The following LNX1 variants were observed in gnomAD, a reference collection of about 807,000 sequenced individuals.
LNX1 encodes the protein ligand of numb-protein X 1, also known as E3 ubiquitin-protein ligase LNX.
A neutral mutation model predicts 68.4 loss-of-function variants in LNX1; 54 were observed. That is an observed-to-expected ratio of 0.79 (90% CI 0.63 to 0.99). The LOEUF (loss-of-function observed/expected upper bound fraction) is 0.99. Among genes scored for constraint, LNX1 ranks in the 50% least tolerant of loss-of-function variants. The pLI is 0.00. For missense variants in LNX1, 906 were observed against 926.4 expected (o/e 0.98, Z 0.29); for synonymous variants, 336 against 350.0 (o/e 0.96, Z 0.45).
upstream of LNX1, among the ~76,000 whole-genome samples, chr4:53,595,669 T>C (rs1408185979): frequency 6.6e-6 from 1 of 152,176 alleles, no homozygotes; most frequent in Non-Finnish European, 1.5e-5. Flanking sequence ...CCGGCTCACT[T>C]GGGCTTTTTG....
chr4:53,532,765 C>T (rs1485565629), intron 2 of LNX1, among the ~76,000 whole-genome samples: 1 of 152,194 alleles, frequency 6.6e-6, no homozygotes, highest in Non-Finnish European at 1.5e-5. Context: ...TTTGCTAGTG[C>T]TCAGCTCCTG....
upstream of LNX1, among the ~76,000 whole-genome samples, chr4:53,593,307 C>A (rs1411661471): frequency 6.6e-6 from 1 of 152,160 alleles, no homozygotes; most frequent in Non-Finnish European, 1.5e-5. Context: ...AGCGGTCTTG[C>A]CTTTGGCGAA....
intron 2 of LNX1, among the ~76,000 whole-genome samples, chr4:53,560,776 C>T (rs773818124): frequency 1.2e-4 from 19 of 152,176 alleles, no homozygotes; most frequent in Non-Finnish European, 2.5e-4. Flanking sequence ...TCCTGGGCTT[C>T]CTACCCTTAG....
chr4:53,531,732 A>G (rs1728038084), intron 2 of LNX1, among the ~76,000 whole-genome samples: 1 of 152,198 alleles, frequency 6.6e-6, no homozygotes, highest in Admixed American at 6.5e-5. Context: ...TGTTTGAACC[A>G]AGCTGCTGGT....
chr4:53,492,440 G>C lies in LNX1; in HGVS notation c.1350+3583C>G, dbSNP rs142376028. On this transcript the variant is annotated intron_variant, in intron 6 of 10. Transcript: ENST00000263925. ...GAGAGAACAGGCCACAAGACGTATG[G>C]CATTGCAGGCCATAGTAACGATCTG... Among the ~76,000 whole-genome samples the C allele has an allele frequency of 1.4e-4, 21 of 148,596 alleles. No homozygotes were observed. In the East Asian group the frequency reaches 4.3e-3, roughly 30 times the overall value.
At chr4:53,636,782 C>G (rs1734496635) in intron 1 of LNX1, among the ~76,000 whole-genome samples, 1 of 152,062 alleles carries the variant, frequency 6.6e-6, no homozygotes, top group South Asian at 2.1e-4. Context: ...CATCCTATGT[C>G]CATATTTAGA....
chr4:53,476,688 G>T (rs1208412382), intron 9 of LNX1, 65 bp downstream of exon 9: 1 of 1,351,462 alleles, frequency 7.4e-7, no homozygotes, highest in Non-Finnish European at 1.1e-6. Flanking sequence ...GAGAGTGAAA[G>T]AGTGGTTTAA....
chr4:53,549,144 A>T (rs1327005386), intron 2 of LNX1, among the ~76,000 whole-genome samples: 1 of 152,170 alleles, frequency 6.6e-6, no homozygotes, highest in Non-Finnish European at 1.5e-5. Context: ...ACAAACCTTG[A>T]CATGTACCCC....
At chr4:53,469,032 T>A (rs769611922) in intron 9 of LNX1, among the ~76,000 whole-genome samples, 5 of 152,164 alleles carry the variant, frequency 3.3e-5, no homozygotes, top group Non-Finnish European at 5.9e-5. Context: ...ATCAACAGAA[T>A]ATACATTCTT....
chr4:53,516,947 A>G (rs531852107), intron 2 of LNX1, among the ~76,000 whole-genome samples: 2 of 152,310 alleles, frequency 1.3e-5, no homozygotes, highest in East Asian at 3.9e-4. Context: ...CATCAATCCA[A>G]AGTGAACTGC....
intron 2 of LNX1, among the ~76,000 whole-genome samples, chr4:53,530,773 T>A (rs755742756): frequency 6.6e-6 from 1 of 152,208 alleles, no homozygotes; most frequent in Non-Finnish European, 1.5e-5. Context: ...CAGTTAAAAC[T>A]ATAATTTTTG....
Position 53,506,856 on chromosome 4 carries a change from T to TAAAAAAAAAAAAAAAAAAAAAAAAAA in LNX1, c.775+460_775+461insTTTTTTTTTTTTTTTTTTTTTTTTTT, listed in dbSNP as rs59260730. Among the ~76,000 whole-genome samples, 18 of 54,190 alleles carry TAAAAAAAAAAAAAAAAAAAAAAAAAA rather than the reference T, an allele frequency of 3.3e-4. 1 individual carries two copies. The highest frequency in any genetic ancestry group is 1.0e-3 in the South Asian group (2 of 1,994). 35.6% of individuals were successfully genotyped at this position (54,190 alleles called of 152,430 possible). On this transcript the variant is annotated intron_variant, in intron 4 of 10. Transcript: ENST00000263925. ...CCTGGGCGACAAGCAAAACTCTGTC[T>TAAAAAAAAAAAAAAAAAAAAAAAAAA]AAAAAAAAAAAAAAAAAAAGAGGAA...
At chr4:53,638,283 T>C (rs1277047764) in intron 1 of LNX1, among the ~76,000 whole-genome samples, 3 of 152,182 alleles carry the variant, frequency 2.0e-5, no homozygotes, top group Non-Finnish European at 2.9e-5. Flanking sequence ...TTTCGATACT[T>C]TAATAATGCA....
At chr4:53,599,708 C>T (rs1732909981) in intron 2 of LNX1, among the ~76,000 whole-genome samples, 1 of 152,168 alleles carries the variant, frequency 6.6e-6, no homozygotes, top group Non-Finnish European at 1.5e-5. Context: ...CTTATCTTGG[C>T]TCTTATCCAT....
chr4:53,548,991 A>G lies in LNX1; in HGVS notation c.380+24632T>C, dbSNP rs188086422. On this transcript the variant is annotated intron_variant, in intron 2 of 10. Coordinates refer to ENST00000263925, the MANE Select transcript of LNX1 (RefSeq NM_001126328.3). ...TAAGAACTTCTGAACACACAGAAGG[A>G]AATGACCGACACTGGGGTCTACTTG... 5.3e-3 allele frequency among the ~76,000 whole-genome samples: 801 copies of G among 152,314 alleles called. 9 individuals are homozygous for G. Among genetic ancestry groups the G allele is most frequent in the African/African-American group, 0.018 (734 of 41,558 alleles).
At chr4:53,488,648 A>C (rs1456231448) in intron 6 of LNX1, among the ~76,000 whole-genome samples, 2 of 152,172 alleles carry the variant, frequency 1.3e-5, no homozygotes, top group African/African-American at 4.8e-5. Context: ...TATGAATCCA[A>C]AAACTCAATC....
chr4:53,540,679 TCAAAAAA>T (rs561277036), intron 2 of LNX1, among the ~76,000 whole-genome samples: 87 of 150,104 alleles, frequency 5.8e-4, no homozygotes, highest in African/African-American at 2.0e-3. Context: ...AAGCTCTGTC[TCAAAAAA>T]CAAAAAACAA....
chr4:53,607,918 GGAA>G (rs1560692204), intron 2 of LNX1, among the ~76,000 whole-genome samples: 2 of 152,014 alleles, frequency 1.3e-5, no homozygotes, highest in African/African-American at 4.8e-5. Context: ...AGCCAGATGC[GGAA>G]GATTGAAACA....
At chr4:53,495,396 T>C (rs999386978) in intron 6 of LNX1, among the ~76,000 whole-genome samples, 1 of 152,194 alleles carries the variant, frequency 6.6e-6, no homozygotes, top group Admixed American at 6.5e-5. Flanking sequence ...TCTACTTGCC[T>C]GAGTGATCAA....
Sources: gnomAD v4.1 joint callset for allele counts (sites outside exome capture counted in the v4.1 genomes callset) on GRCh38, gnomAD v4.1.1 for gene constraint, MANE v1.5 for transcripts, NCBI Gene and HGNC (gene_info 2026-07-23, HGNC 2026-07-21) for gene names.